The following SLC45A4 variants were observed in gnomAD, a reference collection of about 807,000 sequenced individuals.
SLC45A4 encodes solute carrier family 45 member 4.
SLC45A4 carries 32 observed loss-of-function variants against 63.7 expected under a neutral mutation model. The ratio of observed to expected loss-of-function variants is 0.50; its 90% confidence interval spans 0.38 to 0.67. SLC45A4 has a LOEUF of 0.67. Ranked by LOEUF, SLC45A4 falls within the 30% of genes least tolerant of loss-of-function variation. The pLI, the probability that SLC45A4 is intolerant of heterozygous loss-of-function variation, is 0.00. For missense variants in SLC45A4, 1,027 were observed against 1,157.7 expected (o/e 0.89, Z 1.64); for synonymous variants, 535 against 510.0 (o/e 1.05, Z -0.66).
intron 1 of SLC45A4, among the ~76,000 whole-genome samples, chr8:141,291,579 G>A (rs756023367): frequency 7.2e-5 from 11 of 152,214 alleles, no homozygotes; most frequent in Non-Finnish European, 1.2e-4. Flanking sequence ...CATCAAACAC[G>A]TACTTGGTGA....
At chr8:141,211,788 A>G in intron 8 of SLC45A4, 91 bp from the exon 9 acceptor site, 1 of 1,376,232 alleles carries the variant, frequency 7.3e-7, no homozygotes, top group Non-Finnish European at 9.5e-7. Context: ...AGAGAATGTC[A>G]GATTTTGTTT....
Position 141,215,719 on chromosome 8 carries a change from G to A in SLC45A4, c.1941+40C>T. On this transcript the variant is annotated intron_variant, in intron 7 of 8. Coordinates refer to ENST00000517878, the MANE Select transcript of SLC45A4 (RefSeq NM_001286646.2). This position sits in a 1 kb window ranked among gnomAD's most constrained non-coding sequence, Gnocchi z 4.3. Reference sequence around the variant, plus strand: ...GCTCTGTATGGAGGGAAGGCACTCAGGAGGCTGGAGCGCAGATCTCAGGGC... The same window carrying A: ...GCTCTGTATGGAGGGAAGGCACTCAAGAGGCTGGAGCGCAGATCTCAGGGC... The A allele has an allele frequency of 6.3e-7, 1 of 1,596,030 alleles. No homozygotes were observed. Among genetic ancestry groups the A allele is most frequent in the Non-Finnish European group, 8.5e-7 (1 of 1,169,754 alleles).
chr8:141,246,069 C>T lies in SLC45A4; in HGVS notation c.241+7920G>A, dbSNP rs141876761. Among the ~76,000 whole-genome samples the T allele has an allele frequency of 1.2e-3, 182 of 152,294 alleles. 1 individual carries two copies. Among genetic ancestry groups the T allele is most frequent in the African/African-American group, 4.1e-3 (170 of 41,556 alleles). On this transcript the variant is annotated intron_variant, in intron 2 of 8. Transcript: ENST00000517878. ...CTTGCTATTGCTTGATATTTCAAAA[C>T]GAGTTACAATCTAAGGTTTCTGCTG...
At chr8:141,259,019 A>G (rs1284171604) in intron 1 of SLC45A4, among the ~76,000 whole-genome samples, 1 of 152,190 alleles carries the variant, frequency 6.6e-6, no homozygotes, top group Non-Finnish European at 1.5e-5. Flanking sequence ...ACAAGTCCAC[A>G]GAAGGACAGA....
At chr8:141,285,775 C>T (rs1002861142) in intron 1 of SLC45A4, among the ~76,000 whole-genome samples, 11 of 152,202 alleles carry the variant, frequency 7.2e-5, no homozygotes, top group African/African-American at 1.2e-4. Context: ...CCCTTCTGAC[C>T]GGCCGAGGGC....
chr8:141,232,625 C>T (rs142268024), intron 2 of SLC45A4, among the ~76,000 whole-genome samples: 5 of 150,004 alleles, frequency 3.3e-5, no homozygotes, highest in Admixed American at 3.3e-4. Context: ...TCAGTGGCTC[C>T]CAGGTGAGCA....
Position 141,221,604 on chromosome 8 carries a change from C to T in SLC45A4, c.403G>A (p.Ala135Thr). The part of the protein sequence containing the change: ...ALCVGVLFGV[A>T]LFLNGSAIGL... ...ATGGCAGAGCCGTTAAGGAAAAGTG[C>T]AACGCCAAAGAGGACGCCAACGCAG... Residue 135 changes from alanine (A) to threonine (T), a missense_variant, in exon 3 of 9, where the codon GCA (alanine) becomes ACA (threonine). Ala to Thr is a moderately conservative substitution (Grantham distance 58, BLOSUM62 0). Coordinates refer to ENST00000517878, the MANE Select transcript of SLC45A4 (RefSeq NM_001286646.2). 1 of 1,613,396 alleles carries T rather than the reference C, an allele frequency of 6.2e-7. No homozygotes were observed. Among genetic ancestry groups the T allele is most frequent in the Non-Finnish European group, 8.5e-7 (1 of 1,179,934 alleles).
In SLC45A4 at chr8:141,218,824, C is replaced by T. The variant is rs144566162; in HGVS notation, c.816G>A (p.Leu272=). The T allele has an allele frequency of 1.7e-3, 2,755 of 1,613,090 alleles. 54 individuals carry two copies. The African/African-American group carries it at 0.033, about 19-fold the overall frequency. The change falls in exon 5 of 9, where the codon CTG becomes CTA. Residue 272 remains leucine (L), a synonymous_variant. Coordinates refer to ENST00000517878, the MANE Select transcript of SLC45A4 (RefSeq NM_001286646.2). ...QERSAEEPGA[L]DGGEPHGVPA... ...GGACGCCGTGCGGCTCGCCCCCATCCAGGGCGCCGGGCTCCTCAGCGCTGC... is the reference window on the plus strand; with the variant it reads ...GGACGCCGTGCGGCTCGCCCCCATCTAGGGCGCCGGGCTCCTCAGCGCTGC...
At chr8:141,263,777 A>AG (rs1029336544) in intron 1 of SLC45A4, among the ~76,000 whole-genome samples, 1 of 145,436 alleles carries the variant, frequency 6.9e-6, no homozygotes, top group African/African-American at 2.7e-5. Flanking sequence ...CTCAAAAAAA[A>AG]AAAAAATAAA....
At chr8:141,232,156 T>C (rs747188745) in intron 2 of SLC45A4, among the ~76,000 whole-genome samples, 4 of 152,184 alleles carry the variant, frequency 2.6e-5, no homozygotes, top group Admixed American at 2.0e-4. Context: ...CCTAAGCTCA[T>C]ACAGATGCTA....
At chr8:141,294,231 G>A (rs1468805850) in intron 1 of SLC45A4, among the ~76,000 whole-genome samples, 3 of 152,202 alleles carry the variant, frequency 2.0e-5, no homozygotes, top group Admixed American at 6.5e-5. Context: ...TGGGGACAAT[G>A]TGCCACCTGA....
chr8:141,268,952 G>A (rs964242342), intron 1 of SLC45A4, among the ~76,000 whole-genome samples: 1 of 152,204 alleles, frequency 6.6e-6, no homozygotes, highest in Non-Finnish European at 1.5e-5. Context: ...CAGTTTCAAC[G>A]AGGCATGTGA....
chr8:141,233,800 C>T (rs796243183), intron 2 of SLC45A4, among the ~76,000 whole-genome samples: 3 of 152,036 alleles, frequency 2.0e-5, no homozygotes, highest in African/African-American at 7.2e-5. Context: ...GCGTGGCACC[C>T]GTTTTGCTGT....
chr8:141,260,466 T>C lies in SLC45A4; in HGVS notation c.-400-5837A>G, dbSNP rs572073499. Among the ~76,000 whole-genome samples the C allele has an allele frequency of 1.3e-4, 20 of 152,272 alleles. No individual in the cohort carries two copies. The South Asian group carries it at 2.7e-3, about 21-fold the overall frequency. ...TGGACTAACCCAGTTTTAAAGTGAG[T>C]ATCTTGAAGACAACACCCAACAGCT... On this transcript the variant is annotated intron_variant, in intron 1 of 8. Coordinates refer to ENST00000517878, the MANE Select transcript of SLC45A4 (RefSeq NM_001286646.2).
intron 2 of SLC45A4, among the ~76,000 whole-genome samples, chr8:141,232,831 C>T (rs1181177568): frequency 4.6e-5 from 7 of 152,050 alleles, no homozygotes; most frequent in Non-Finnish European, 1.0e-4. Flanking sequence ...CGGGAACACA[C>T]GCACTCAATG....
At chr8:141,292,943 A>C (rs1320182600) in intron 1 of SLC45A4, 1 of 152,048 alleles carries the variant, frequency 6.6e-6, no homozygotes, top group Admixed American at 6.6e-5. Context: ...CAGATGCCTG[A>C]CTCTGGGACA....
intron 2 of SLC45A4, among the ~76,000 whole-genome samples, chr8:141,243,270 C>CG (rs1430668638): frequency 2.0e-5 from 3 of 152,094 alleles, no homozygotes; most frequent in African/African-American, 7.2e-5. Context: ...GCCTACACAG[C>CG]GGTGTGGGGA....
chr8:141,237,350 A>G (rs1292371176), intron 2 of SLC45A4, among the ~76,000 whole-genome samples: 1 of 152,094 alleles, frequency 6.6e-6, no homozygotes, highest in African/African-American at 2.4e-5. Context: ...CACCACTTCC[A>G]TAACATGCCA....
intron 6 of SLC45A4, 64 bp from the exon 7 acceptor site, chr8:141,216,034 C>T (rs1826127475): frequency 5.6e-6 from 8 of 1,440,482 alleles, no homozygotes; most frequent in Non-Finnish European, 7.6e-6. Context: ...GGGCTCCCTC[C>T]ACCATCCCTC....
Sources: allele counts gnomAD v4.1 joint callset (sites outside exome capture counted in the v4.1 genomes callset), GRCh38; gene constraint gnomAD v4.1.1; non-coding constraint Gnocchi (gnomAD v3.1); transcripts MANE v1.5; gene names NCBI Gene and HGNC (gene_info 2026-07-23, HGNC 2026-07-21).